The following NCAM1 variants were observed in gnomAD, a reference collection of about 807,000 sequenced individuals.
NCAM1 encodes the protein antigen recognized by monoclonal antibody 5.1H11.
A neutral mutation model predicts 109.8 loss-of-function variants in NCAM1; 14 were observed. The ratio of observed to expected loss-of-function variants is 0.13; its 90% CI spans 0.08 to 0.20. NCAM1 has a LOEUF of 0.20. Among genes scored for constraint, NCAM1 ranks in the 10% least tolerant of loss-of-function variants. The pLI is 1.00. For missense variants in NCAM1, 774 were observed against 1,109.9 expected, an observed-to-expected ratio of 0.70 and a Z score of 4.30; for synonymous variants, 418 against 442.9, an observed-to-expected ratio of 0.94 and a Z score of 0.70.
At chr11:113,244,577 A>T (rs1267535023) in intron 14 of NCAM1, among the ~76,000 whole-genome samples, 1 of 152,156 alleles carries the variant, frequency 6.6e-6, no homozygotes, top group Non-Finnish European at 1.5e-5. Flanking sequence ...AGCTATCAGC[A>T]TGTGAATATC....
intron 12 of NCAM1, 112 bp downstream of exon 12, chr11:113,232,926 G>A (rs1945052827): frequency 1.8e-6 from 2 of 1,101,954 alleles, no homozygotes; most frequent in African/African-American, 3.1e-5. Context: ...GAAAGGGCCA[G>A]GGTCAGCAAA....
intron 1 of NCAM1, among the ~76,000 whole-genome samples, chr11:113,147,893 G>A (rs572243346): frequency 3.9e-5 from 6 of 152,238 alleles, no homozygotes; most frequent in East Asian, 1.9e-4. Context: ...TTGTCTGTCC[G>A]TGGCCACTAC....
chr11:113,213,402 G>A (rs1300555619), intron 7 of NCAM1, among the ~76,000 whole-genome samples: 1 of 152,082 alleles, frequency 6.6e-6, no homozygotes, highest in Non-Finnish European at 1.5e-5. Context: ...ATTTAACTTA[G>A]CTTTGGAATG....
chr11:113,166,274 C>T (rs1555105271), intron 1 of NCAM1, among the ~76,000 whole-genome samples: 1 of 152,206 alleles, frequency 6.6e-6, no homozygotes, highest in Admixed American at 6.5e-5. Flanking sequence ...ATGGTCCTAG[C>T]TGCCTTCCAG....
Position 113,173,591 on chromosome 11 carries a change from G to GATATATATATATATATATATATAT in NCAM1, c.53-28775_53-28752dup, listed in dbSNP as rs5794851. 2.2e-3 allele frequency among the ~76,000 whole-genome samples: 273 copies of GATATATATATATATATATATATAT among 126,514 alleles called. 1 individual carries two copies. Among genetic ancestry groups the GATATATATATATATATATATATAT allele is most frequent in the Non-Finnish European group, 2.7e-3 (159 of 59,730 alleles). 83.0% of individuals were successfully genotyped at this position (126,514 alleles called of 152,430 possible). On this transcript the variant is annotated intron_variant, in intron 1 of 19. Transcript: ENST00000316851. The stretch of plus-strand genomic sequence containing the variant: ...TATGACTAATATTAGCATGTTACCT[G>GATATATATATATATATATATATAT]ATATATATATATATATATATATATA...
At chr11:113,183,258 CA>C (rs1591394397) in intron 1 of NCAM1, among the ~76,000 whole-genome samples, 3 of 152,168 alleles carry the variant, frequency 2.0e-5, no homozygotes, top group Non-Finnish European at 4.4e-5. Context: ...ACCAGTGCCA[CA>C]GAACCCAGGA....
chr11:113,109,867 C>T (rs1244436846), intron 1 of NCAM1, among the ~76,000 whole-genome samples: 2 of 152,044 alleles, frequency 1.3e-5, no homozygotes, highest in Non-Finnish European at 2.9e-5. Flanking sequence ...TAGTGTGGAC[C>T]TGATGTTTGG....
chr11:113,073,110 G>T (rs1938363473), intron 1 of NCAM1, among the ~76,000 whole-genome samples: 1 of 152,076 alleles, frequency 6.6e-6, no homozygotes. Flanking sequence ...CACAGTATTT[G>T]TCCTTTTGTG....
chr11:112,986,840 A>G (rs1277578692), intron 1 of NCAM1, among the ~76,000 whole-genome samples: 1 of 151,982 alleles, frequency 6.6e-6, no homozygotes, highest in Non-Finnish European at 1.5e-5. Flanking sequence ...TCTTTCAGAA[A>G]AAAACTAACT....
chr11:113,231,130 C>G, intron 9 of NCAM1: 2 of 1,400,542 alleles, frequency 1.4e-6, no homozygotes, highest in African/African-American at 1.4e-5. Context: ...AGGAAAGAGG[C>G]ATCTGCAGAA....
In NCAM1 at chr11:113,231,785, T is replaced by C. The variant is rs782234751; in HGVS notation, c.1230T>C (p.Leu410=). ...TIGQDSQSMY[L]EVQYAPKLQG... ...GCCAGGACTCCCAGTCCATGTACCT[T>C]GAAGTGCAATGTAAGGAATAAATGG... The change falls in exon 10 of 20, where the codon CTT becomes CTC. Residue 410 remains leucine, a synonymous_variant. Transcript: ENST00000316851. The C allele has an allele frequency of 1.9e-6, 3 of 1,613,858 alleles. No individual in the cohort carries two copies. In the Admixed American group the frequency reaches 5.0e-5, roughly 27 times the overall value.
intron 1 of NCAM1, among the ~76,000 whole-genome samples, chr11:113,098,315 T>C (rs1447108907): frequency 6.6e-6 from 1 of 152,194 alleles, no homozygotes; most frequent in Non-Finnish European, 1.5e-5. Context: ...AAGTCCCTGA[T>C]GTAAAATGGC....
At chr11:113,023,563 G>A (rs1001234882) in intron 1 of NCAM1, among the ~76,000 whole-genome samples, 1 of 152,156 alleles carries the variant, frequency 6.6e-6, no homozygotes, top group Non-Finnish European at 1.5e-5. Context: ...TATGAACACA[G>A]TTTTCCTTTA....
At chr11:113,090,955 A>G (rs965126220) in intron 1 of NCAM1, among the ~76,000 whole-genome samples, 1 of 152,224 alleles carries the variant, frequency 6.6e-6, no homozygotes, top group Non-Finnish European at 1.5e-5. Context: ...TTTGAACAAT[A>G]GACAGTAAAC....
At chr11:113,159,321 T>G (rs1555103946) in intron 1 of NCAM1, among the ~76,000 whole-genome samples, 1 of 152,214 alleles carries the variant, frequency 6.6e-6, no homozygotes, top group African/African-American at 2.4e-5. Flanking sequence ...TTAAGTGAGA[T>G]GTTTATGTAT....
At chr11:113,170,817 G>T (rs1942964643) in intron 1 of NCAM1, among the ~76,000 whole-genome samples, 1 of 152,158 alleles carries the variant, frequency 6.6e-6, no homozygotes, top group Non-Finnish European at 1.5e-5. Context: ...GGTGGAAAAT[G>T]AAAAATCATT....
At chr11:113,081,814 G>A (rs904568993) in intron 1 of NCAM1, among the ~76,000 whole-genome samples, 2 of 152,160 alleles carry the variant, frequency 1.3e-5, no homozygotes, top group Admixed American at 6.5e-5. Context: ...GACTACAGGC[G>A]TGAGCCATCG....
At chr11:113,227,388 G>C (rs1336897503) in intron 9 of NCAM1, among the ~76,000 whole-genome samples, 1 of 152,174 alleles carries the variant, frequency 6.6e-6, no homozygotes, top group Non-Finnish European at 1.5e-5. Context: ...CCAGGAAGAA[G>C]TTGAATCTCT....
chr11:113,221,322 A>T lies in NCAM1; in HGVS notation c.1086A>T (p.Gln362His). ...CTTCGTGGACTCGACCAGAGAAGCA[A>T]GAGGTATAGCTTACCTGACCACTAG... is the stretch of plus-strand genomic sequence containing the variant. ...EKASWTRPEK[Q>H]ETLDGHMVVR... The change falls in exon 9 of 20, where the codon CAA becomes CAT. Residue 362 changes from glutamine to histidine, a missense_variant. Around this residue, in one of 4 missense-constraint regions of NCAM1, gnomAD observed 523 missense variants for 784.2 expected, o/e 0.67. Coordinates refer to ENST00000316851, the MANE Select transcript of NCAM1 (RefSeq NM_181351.5). 6.4e-7 allele frequency: 1 copy of T among 1,568,238 alleles called. No homozygotes were observed. Among genetic ancestry groups the T allele is most frequent in the East Asian group, 2.3e-5 (1 of 43,226 alleles).
Sources: gnomAD v4.1 joint callset for allele counts (sites outside exome capture counted in the v4.1 genomes callset) on GRCh38, gnomAD v4.1.1 for gene constraint, gnomAD v4.1.1 regional missense constraint, MANE v1.5 for transcripts, NCBI Gene and HGNC (gene_info 2026-07-23, HGNC 2026-07-21) for gene names.